DCC: variants seen among roughly 807,000 people sequenced by gnomAD.
DCC encodes netrin receptor DCC.
A neutral mutation model predicts 172.5 loss-of-function variants in DCC; 58 were observed. The ratio of observed to expected loss-of-function variants is 0.34; its 90% CI spans 0.27 to 0.42. The LOEUF is 0.42. Among genes scored for constraint, DCC ranks in the 10% least tolerant of loss-of-function variants. The pLI, the probability that DCC is intolerant of heterozygous loss-of-function variation, is 1.00. For missense variants in DCC, 1,740 were observed against 1,791.0 expected (o/e 0.97, Z 0.51); for synonymous variants, 709 against 644.5 (o/e 1.10, Z -1.52).
chr18:53,421,083 A>G (rs1028822643), intron 21 of DCC, among the ~76,000 whole-genome samples: 1 of 152,178 alleles, frequency 6.6e-6, no homozygotes, highest in Non-Finnish European at 1.5e-5. Flanking sequence ...TGAGTTTGCA[A>G]TGGAGGTTAG....
At chr18:53,206,075 TTACA>T (rs1208516957) in intron 10 of DCC, among the ~76,000 whole-genome samples, 1 of 3,470 alleles carries the variant, frequency 2.9e-4, no homozygotes, top group Non-Finnish European at 5.8e-4. Context: ...TACATATATA[TTACA>T]TATATACGTA....
chr18:52,631,792 T>C (rs940492518), intron 1 of DCC, among the ~76,000 whole-genome samples: 2 of 152,206 alleles, frequency 1.3e-5, no homozygotes, highest in Admixed American at 6.5e-5. Flanking sequence ...TCTGACTATA[T>C]TGATTGGCCA....
chr18:52,757,805 A>AC (rs2037099142), intron 2 of DCC, among the ~76,000 whole-genome samples: 1 of 152,158 alleles, frequency 6.6e-6, no homozygotes, highest in Non-Finnish European at 1.5e-5. Flanking sequence ...ACTGTGATTT[A>AC]AGTACCCAAA....
At chr18:52,925,484 G>A in intron 5 of DCC, 114 bp downstream of exon 5, 1 of 1,057,844 alleles carries the variant, frequency 9.5e-7, no homozygotes, top group Non-Finnish European at 1.5e-6. Context: ...AAATTGCAAA[G>A]TCCCAATACT....
intron 1 of DCC, among the ~76,000 whole-genome samples, chr18:52,531,917 G>A (rs1218983167): frequency 6.6e-6 from 1 of 152,162 alleles, no homozygotes; most frequent in Non-Finnish European, 1.5e-5. Flanking sequence ...TGAAGAGAAG[G>A]AAATTAAATC....
chr18:52,739,224 C>G (rs1272684074), intron 1 of DCC, among the ~76,000 whole-genome samples: 1 of 152,172 alleles, frequency 6.6e-6, no homozygotes, highest in Non-Finnish European at 1.5e-5. Flanking sequence ...CAGCTCATGA[C>G]TGTACTGAGT....
intron 1 of DCC, among the ~76,000 whole-genome samples, chr18:52,639,743 G>A (rs2034853507): frequency 6.6e-6 from 1 of 151,998 alleles, no homozygotes; most frequent in African/African-American, 2.4e-5. Context: ...TGAAAAAAAA[G>A]TTCAGGACCA....
chr18:53,263,827 A>T (rs1393245887), intron 12 of DCC, among the ~76,000 whole-genome samples: 1 of 151,912 alleles, frequency 6.6e-6, no homozygotes, highest in African/African-American at 2.4e-5. Context: ...TAATATTAAT[A>T]TAATTTTGTA....
rs1025071810 is a variant in DCC, at chr18:52,597,996, C to A, written c.92-154058C>A. Among the ~76,000 whole-genome samples, 4 of 152,010 alleles carry A rather than the reference C, an allele frequency of 2.6e-5. 1 individual carries two copies. Among genetic ancestry groups the A allele is most frequent in the Non-Finnish European group, 5.9e-5 (4 of 68,006 alleles). ...GTTTTTCCTGAATTTTTACATCTGC[C>A]CCTAAACAGCCTTGTTAGTTGCATG... On this transcript the variant is annotated intron_variant, in intron 1 of 28. Transcript: ENST00000442544.
intron 1 of DCC, among the ~76,000 whole-genome samples, chr18:52,597,994 GC>G (rs1159567989): frequency 6.6e-6 from 1 of 152,036 alleles, no homozygotes; most frequent in Non-Finnish European, 1.5e-5. Flanking sequence ...TTTTACATCT[GC>G]CCCTAAACAG....
At chr18:52,637,765 T>A (rs1350518636) in intron 1 of DCC, among the ~76,000 whole-genome samples, 1 of 152,140 alleles carries the variant, frequency 6.6e-6, no homozygotes, top group African/African-American at 2.4e-5. Flanking sequence ...AGAGGAAAAC[T>A]TCCCCAGCCT....
chr18:53,155,106 T>C (rs1274384799), intron 7 of DCC, among the ~76,000 whole-genome samples: 3 of 152,154 alleles, frequency 2.0e-5, no homozygotes, highest in African/African-American at 7.2e-5. Context: ...CTTTTTTTTT[T>C]TTTGCCATTC....
chr18:52,871,321 T>TG (rs2039314719), intron 2 of DCC, among the ~76,000 whole-genome samples: 1 of 149,486 alleles, frequency 6.7e-6, no homozygotes, highest in Non-Finnish European at 1.5e-5. Flanking sequence ...AAGAACAGTG[T>TG]CTTTTTTTTT....
At chr18:52,698,066 C>G (rs1435954715) in intron 1 of DCC, among the ~76,000 whole-genome samples, 1 of 152,012 alleles carries the variant, frequency 6.6e-6, no homozygotes, top group Non-Finnish European at 1.5e-5. Flanking sequence ...TTTAAGAAGG[C>G]CTGTGTTGAA....
chr18:53,062,306 A>G lies in DCC; in HGVS notation c.986-999A>G, dbSNP rs543795851. Reference sequence around the variant, plus strand: ...TTTTCTGATGGCTGTTAGAAAGAGCAAAATACAGCAGCTACTTAGGCAAAA... The same window carrying G: ...TTTTCTGATGGCTGTTAGAAAGAGCGAAATACAGCAGCTACTTAGGCAAAA... On this transcript the variant is annotated intron_variant, in intron 5 of 28. Coordinates refer to ENST00000442544, the MANE Select transcript of DCC (RefSeq NM_005215.4). Among the ~76,000 whole-genome samples, 31 of 152,224 alleles carry G rather than the reference A, an allele frequency of 2.0e-4. No homozygotes were observed. The South Asian group carries it at 6.4e-3, about 32-fold the overall frequency.
chr18:53,266,845 C>T lies in DCC; in HGVS notation c.1912-38733C>T, dbSNP rs184373769. ...TTTTAAGGTTCATCCATTTGGAGCA[C>T]GTGCCAATATTTTATTCCTTTTGAT... On this transcript the variant is annotated intron_variant, in intron 12 of 28. Transcript: ENST00000442544. Among the ~76,000 whole-genome samples, 11 of 151,692 alleles carry T rather than the reference C, an allele frequency of 7.3e-5. No homozygotes were observed. The East Asian group carries it at 1.4e-3, about 19-fold the overall frequency.
intron 7 of DCC, among the ~76,000 whole-genome samples, chr18:53,123,177 T>A (rs552343571): frequency 1.0e-3 from 157 of 152,090 alleles, no homozygotes; most frequent in Admixed American, 2.1e-3. Flanking sequence ...TGCAAATACA[T>A]TGGAGGGTAC....
chr18:53,261,565 T>A (rs916826338), intron 12 of DCC, among the ~76,000 whole-genome samples: 1 of 152,138 alleles, frequency 6.6e-6, no homozygotes, highest in Non-Finnish European at 1.5e-5. Context: ...TGCATACCTG[T>A]CTCCAAAGTC....
intron 1 of DCC, among the ~76,000 whole-genome samples, chr18:52,472,243 C>T (rs2144563056): frequency 6.6e-6 from 1 of 152,250 alleles, no homozygotes; most frequent in East Asian, 1.9e-4. Flanking sequence ...CCACCCTCTC[C>T]CCTTCCCCTT....
Sources: gnomAD v4.1 joint callset for allele counts (sites outside exome capture counted in the v4.1 genomes callset) on GRCh38, gnomAD v4.1.1 for gene constraint, MANE v1.5 for transcripts, NCBI Gene and HGNC (gene_info 2026-07-23, HGNC 2026-07-21) for gene names.